The following TMEM132D variants were observed in gnomAD, a reference collection of about 807,000 sequenced individuals.
TMEM132D encodes mature OL transmembrane protein.
In TMEM132D, 21 loss-of-function variants were observed where a neutral mutation model predicts 62.3. The observed-to-expected ratio is 0.34, with a 90% CI of 0.24 to 0.49. The LOEUF is 0.49. TMEM132D is among the 20% of genes least tolerant of loss of function. The pLI is 0.99. For synonymous variants in TMEM132D, 621 were observed against 575.6 expected (o/e 1.08, Z -1.13); for missense variants, 1,346 against 1,402.8 (o/e 0.96, Z 0.65).
chr12:129,132,711 T>C (rs1876415204), intron 5 of TMEM132D, among the ~76,000 whole-genome samples: 1 of 152,234 alleles, frequency 6.6e-6, no homozygotes, highest in Admixed American at 6.5e-5. Flanking sequence ...GTAATTGTTT[T>C]ATAATGTACA....
chr12:129,586,525 CG>C (rs1407885708), intron 2 of TMEM132D, among the ~76,000 whole-genome samples: 7 of 152,252 alleles, frequency 4.6e-5, no homozygotes, highest in Admixed American at 4.6e-4. Context: ...CCAGCGTGGT[CG>C]GGTTCTAGGA....
chr12:129,784,548 C>T (rs1009844033), intron 1 of TMEM132D, among the ~76,000 whole-genome samples: 1 of 152,228 alleles, frequency 6.6e-6, no homozygotes, highest in African/African-American at 2.4e-5. Context: ...CCATTTTCGG[C>T]ATCTGTGCTG....
At chr12:129,813,278 G>A (rs1280632469) in intron 1 of TMEM132D, among the ~76,000 whole-genome samples, 3 of 151,568 alleles carry the variant, frequency 2.0e-5, no homozygotes, top group Non-Finnish European at 4.4e-5. Flanking sequence ...ACATACTCCC[G>A]ACCTCTGCCA....
intron 2 of TMEM132D, among the ~76,000 whole-genome samples, chr12:129,595,016 A>G (rs768956308): frequency 2.0e-5 from 3 of 152,258 alleles, no homozygotes; most frequent in Non-Finnish European, 2.9e-5. Flanking sequence ...TTTGTTTTAC[A>G]TAGGAGGAAG....
intron 4 of TMEM132D, among the ~76,000 whole-genome samples, chr12:129,256,312 C>T (rs1409385218): frequency 3.9e-5 from 6 of 152,236 alleles, no homozygotes; most frequent in Non-Finnish European, 7.3e-5. Context: ...GCAGAGGACA[C>T]GCAGTGGCGG....
In TMEM132D at chr12:129,716,464, T is replaced by C. The variant is rs1868577687; in HGVS notation, c.80-15766A>G. Among the ~76,000 whole-genome samples the C allele has an allele frequency of 2.0e-5, 3 of 152,198 alleles. No individual in the cohort carries two copies. In the South Asian group the frequency reaches 6.2e-4, roughly 31 times the overall value. Reference sequence around the variant, plus strand: ...GTAGTTAAATTAGAACATGCGTCTCTTTGGAAACCACAGCTGACCTACAAG... The same window carrying C: ...GTAGTTAAATTAGAACATGCGTCTCCTTGGAAACCACAGCTGACCTACAAG... On this transcript the variant is annotated intron_variant, in intron 1 of 8. Coordinates refer to ENST00000422113, the MANE Select transcript of TMEM132D (RefSeq NM_133448.3).
intron 3 of TMEM132D, among the ~76,000 whole-genome samples, chr12:129,392,468 T>C (rs964651378): frequency 3.4e-4 from 52 of 152,212 alleles, no homozygotes; most frequent in African/African-American, 1.3e-3. Context: ...TTTCCTCTGA[T>C]CCTTCCTCCT....
At chr12:129,479,815 A>G in intron 3 of TMEM132D, among the ~76,000 whole-genome samples, 1 of 75,430 alleles carries the variant, frequency 1.3e-5, no homozygotes. Flanking sequence ...AGAGATTTGA[A>G]GAAAGTTCTC....
At chr12:129,222,851 TTAA>T (rs1879382455) in intron 4 of TMEM132D, among the ~76,000 whole-genome samples, 1 of 152,096 alleles carries the variant, frequency 6.6e-6, no homozygotes, top group South Asian at 2.1e-4. Context: ...TTTAGTATAG[TTAA>T]TAATAATATA....
intron 5 of TMEM132D, among the ~76,000 whole-genome samples, chr12:129,172,872 C>T (rs1437950267): frequency 2.6e-5 from 4 of 152,140 alleles, no homozygotes; most frequent in Admixed American, 6.5e-5. Flanking sequence ...CCACTGCACC[C>T]GGCCTGGCCT....
intron 3 of TMEM132D, among the ~76,000 whole-genome samples, chr12:129,496,314 G>A (rs899171824): frequency 6.6e-6 from 1 of 152,150 alleles, no homozygotes; most frequent in African/African-American, 2.4e-5. Flanking sequence ...CCTTAGTGGG[G>A]AATCTTTAAA....
At chr12:129,499,677 C>A (rs1338298877) in intron 3 of TMEM132D, among the ~76,000 whole-genome samples, 1 of 152,146 alleles carries the variant, frequency 6.6e-6, no homozygotes, top group Non-Finnish European at 1.5e-5. Flanking sequence ...CACATGAACA[C>A]GTGTTCTGGG....
chr12:129,217,994 G>A (rs897281803), intron 4 of TMEM132D, among the ~76,000 whole-genome samples: 1 of 152,098 alleles, frequency 6.6e-6, no homozygotes, highest in African/African-American at 2.4e-5. Flanking sequence ...AGGCATCTCC[G>A]GAGCTAGGAC....
rs149631796 is a variant in TMEM132D at position 129,474,418 on chromosome 12, C to T, written c.1115+56641G>A. ...TTCTCAGCTGAGGGTTGAAGAAACC[C>T]AAACTCAGAGGTGAGCTATTTTGCC... is the stretch of plus-strand genomic sequence containing the variant. On this transcript the variant is annotated intron_variant, in intron 3 of 8. Transcript: ENST00000422113. 6.7e-4 allele frequency among the ~76,000 whole-genome samples: 102 copies of T among 152,292 alleles called. 1 individual carries two copies. Among genetic ancestry groups the T allele is most frequent in the East Asian group, 5.0e-3 (26 of 5,182 alleles).
intron 4 of TMEM132D, among the ~76,000 whole-genome samples, chr12:129,226,568 T>C (rs898927513): frequency 5.7e-4 from 87 of 152,342 alleles, no homozygotes; most frequent in African/African-American, 2.0e-3. Context: ...ACCTCACACC[T>C]AAGCCAGAGG....
chr12:129,795,563 A>G (rs1195021170), intron 1 of TMEM132D, among the ~76,000 whole-genome samples: 1 of 152,198 alleles, frequency 6.6e-6, no homozygotes, highest in Non-Finnish European at 1.5e-5. Context: ...GGCCTCATGC[A>G]TTCTGTTGTC....
Position 129,224,995 on chromosome 12 carries a change from C to T in TMEM132D, c.1300-15332G>A, listed in dbSNP as rs367677018. 4.6e-5 allele frequency among the ~76,000 whole-genome samples: 7 copies of T among 152,166 alleles called. No individual in the cohort carries two copies. The East Asian group carries it at 5.8e-4, about 13-fold the overall frequency. ...TTAGAGACATTATATAAAATAAATA[C>T]GGAAACAGGAGAGCTTAGGGTGAGG... On this transcript the variant is annotated intron_variant, in intron 4 of 8. Transcript: ENST00000422113.
chr12:129,515,203 A>G (rs910711054), intron 3 of TMEM132D, among the ~76,000 whole-genome samples: 2 of 152,176 alleles, frequency 1.3e-5, no homozygotes, highest in African/African-American at 4.8e-5. Context: ...AGGCAACCAC[A>G]GACTTAACGT....
chr12:129,459,004 A>G (rs541632180), intron 3 of TMEM132D, among the ~76,000 whole-genome samples: 1 of 152,336 alleles, frequency 6.6e-6, no homozygotes, highest in Admixed American at 6.5e-5. Flanking sequence ...CTTTTGCTGA[A>G]CTAGATTTGG....
Sources: gnomAD v4.1 joint callset for allele counts (sites outside exome capture counted in the v4.1 genomes callset) on GRCh38, gnomAD v4.1.1 for gene constraint, MANE v1.5 for transcripts, NCBI Gene and HGNC (gene_info 2026-07-23, HGNC 2026-07-21) for gene names.